The following ABLIM1 variants were observed in gnomAD, a reference collection of about 807,000 sequenced individuals.
ABLIM1 encodes the protein actin binding LIM protein 1, also known as actin-binding LIM protein 1.
A neutral mutation model predicts 107.0 loss-of-function variants in ABLIM1; 40 were observed. The observed-to-expected ratio is 0.37, with a 90% confidence interval of 0.29 to 0.49. The LOEUF is 0.49. Among genes scored for constraint, ABLIM1 ranks in the 20% least tolerant of loss-of-function variants. The pLI is 0.97. For missense variants in ABLIM1, 857 were observed against 1,008.5 expected (o/e 0.85, Z 2.04); for synonymous variants, 357 against 357.3 (o/e 1.00, Z 0.01).
intron 1 of ABLIM1, among the ~76,000 whole-genome samples, chr10:114,626,808 C>T (rs1213440139): frequency 2.0e-5 from 3 of 152,128 alleles, no homozygotes. Context: ...TAGGGTGGGC[C>T]TTAATCCACT....
At chr10:114,712,353 G>GAAAAAA (rs10583793) in intron 1 of ABLIM1, among the ~76,000 whole-genome samples, 22 of 44,090 alleles carry the variant, frequency 5.0e-4, no homozygotes, top group East Asian at 2.4e-3. Flanking sequence ...ACTCCGTCTC[G>GAAAAAA]AAAAAAAAAA....
At chr10:114,733,591 C>T (rs2082120125) in intron 1 of ABLIM1, among the ~76,000 whole-genome samples, 1 of 152,152 alleles carries the variant, frequency 6.6e-6, no homozygotes, top group Non-Finnish European at 1.5e-5. Context: ...GATGTCACAC[C>T]CCATTTTCTT....
At chr10:114,715,775 C>T (rs1374565876) in intron 1 of ABLIM1, among the ~76,000 whole-genome samples, 2 of 152,086 alleles carry the variant, frequency 1.3e-5, no homozygotes, top group African/African-American at 4.8e-5. Context: ...AATTGAAGTA[C>T]ATATATCTAA....
chr10:114,775,335 A>G, the ABLIM1 span, among the ~76,000 whole-genome samples: 1 of 152,172 alleles, frequency 6.6e-6, no homozygotes, highest in Non-Finnish European at 1.5e-5. Flanking sequence ...TCAATAGGGT[A>G]TTTGAGCAGT....
intron 1 of ABLIM1, among the ~76,000 whole-genome samples, chr10:114,674,774 C>T (rs1249279008): frequency 6.8e-6 from 1 of 148,014 alleles, no homozygotes; most frequent in Non-Finnish European, 1.5e-5. Context: ...TGAAGGGACA[C>T]TGTTAAACCT....
intron 1 of ABLIM1, among the ~76,000 whole-genome samples, chr10:114,668,191 T>C (rs1461996296): frequency 6.6e-6 from 1 of 152,062 alleles, no homozygotes; most frequent in African/African-American, 2.4e-5. Flanking sequence ...TAGTCAACTA[T>C]CCATCAGCAT....
At chr10:114,785,612 G>A in the ABLIM1 span, among the ~76,000 whole-genome samples, 2 of 152,052 alleles carry the variant, frequency 1.3e-5, no homozygotes, top group African/African-American at 4.8e-5. Flanking sequence ...TATTATTCAT[G>A]TATAAATACA....
intron 1 of ABLIM1, among the ~76,000 whole-genome samples, chr10:114,622,127 C>A (rs1469380101): frequency 1.3e-5 from 2 of 152,198 alleles, no homozygotes; most frequent in Non-Finnish European, 2.9e-5. Context: ...TGGACCCAGG[C>A]ACCCATAGCC....
chr10:114,583,669 T>A (rs2497656), intron 2 of ABLIM1, among the ~76,000 whole-genome samples: 1 of 151,098 alleles, frequency 6.6e-6, no homozygotes, highest in African/African-American at 2.4e-5. Flanking sequence ...ACGTGTACTC[T>A]TCTGTTCATC....
chr10:114,460,516 G>A (rs748465573), intron 12 of ABLIM1, among the ~76,000 whole-genome samples: 28 of 152,170 alleles, frequency 1.8e-4, no homozygotes, highest in African/African-American at 6.5e-4. Context: ...CAGAAGAATC[G>A]CTTGAAGCTG....
At position 114,639,871 on chromosome 10, in the gene ABLIM1, C is replaced by T. The variant is rs544593673; in HGVS notation, c.244+18086G>A. Among the ~76,000 whole-genome samples the T allele has an allele frequency of 4.1e-4, 62 of 152,252 alleles. 1 individual carries two copies. In the South Asian group the frequency reaches 0.011, roughly 26 times the overall value. ...TGCACACAGAGTGTTTGCAACACCC[C>T]GTGAGCACAGGATTCCACTGCAGTC... On this transcript the variant is annotated intron_variant, in intron 1 of 22. Transcript: ENST00000533213.
intron 1 of ABLIM1, chr10:114,690,099 A>G (rs780491615): frequency 7.3e-6 from 8 of 1,091,456 alleles, no homozygotes; most frequent in Non-Finnish European, 1.1e-5. Context: ...CTCCTGAGCT[A>G]CAAAAGGAAG....
chr10:114,639,807 G>T (rs555876887), intron 1 of ABLIM1, among the ~76,000 whole-genome samples: 16 of 152,342 alleles, frequency 1.1e-4, no homozygotes. Flanking sequence ...GAACAGATGA[G>T]ATGCGTGCAG....
chr10:114,586,006 A>G (rs932995191), intron 2 of ABLIM1, among the ~76,000 whole-genome samples: 1 of 152,118 alleles, frequency 6.6e-6, no homozygotes, highest in African/African-American at 2.4e-5. Flanking sequence ...ATTTCATGCT[A>G]CTTTAAATCA....
At chr10:114,785,037 A>G in the ABLIM1 span, among the ~76,000 whole-genome samples, 11 of 152,250 alleles carry the variant, frequency 7.2e-5, no homozygotes, top group Non-Finnish European at 1.6e-4. Flanking sequence ...AGAGCAAAGT[A>G]TAAGGAAACA....
At chr10:114,714,770 G>A (rs1471714554) in intron 1 of ABLIM1, among the ~76,000 whole-genome samples, 2 of 152,200 alleles carry the variant, frequency 1.3e-5, no homozygotes, top group Non-Finnish European at 2.9e-5. Flanking sequence ...AAAACTAAGA[G>A]AAAGCCTTTA....
intron 1 of ABLIM1, among the ~76,000 whole-genome samples, chr10:114,606,052 T>A (rs1305226009): frequency 6.6e-6 from 1 of 152,122 alleles, no homozygotes; most frequent in East Asian, 1.9e-4. Flanking sequence ...TCCACAAAGC[T>A]AAGCAGAGTC....
intron 1 of ABLIM1, among the ~76,000 whole-genome samples, chr10:114,732,267 T>A (rs1385037491): frequency 7.2e-6 from 1 of 138,018 alleles, no homozygotes; most frequent in Non-Finnish European, 1.5e-5. Context: ...CACTGCAACC[T>A]CCACCTCCCA....
chr10:114,567,045 T>C (rs2070852626), intron 4 of ABLIM1, among the ~76,000 whole-genome samples: 1 of 152,146 alleles, frequency 6.6e-6, no homozygotes, highest in Non-Finnish European at 1.5e-5. Flanking sequence ...CGAGACTCTG[T>C]CTCAAAAACA....
Sources: allele counts gnomAD v4.1 joint callset (sites outside exome capture counted in the v4.1 genomes callset), GRCh38; gene constraint gnomAD v4.1.1; transcripts MANE v1.5; gene names NCBI Gene and HGNC (gene_info 2026-07-23, HGNC 2026-07-21).